RALA: variants seen among roughly 807,000 people sequenced by gnomAD.
RALA encodes ras-related protein Ral-A.
RALA carries 5 observed loss-of-function variants against 24.0 expected under a neutral mutation model. That is an observed-to-expected ratio of 0.21 (90% confidence interval 0.11 to 0.44). The LOEUF (loss-of-function observed/expected upper bound fraction) is 0.44. RALA is among the 20% of genes least tolerant of loss of function. RALA has a pLI of 0.99. For synonymous variants in RALA, 77 were observed against 83.8 expected (o/e 0.92, Z 0.44); for missense variants, 95 against 241.2 (o/e 0.39, Z 4.01).
At chr7:39,656,830 G>C (rs1583721220) in intron 1 of RALA, among the ~76,000 whole-genome samples, 1 of 152,202 alleles carries the variant, frequency 6.6e-6, no homozygotes, top group Admixed American at 6.5e-5. Flanking sequence ...GAGGGTAAGG[G>C]ATGTTCACTT....
intron 1 of RALA, among the ~76,000 whole-genome samples, chr7:39,679,767 A>G (rs553693843): frequency 2.5e-4 from 38 of 152,086 alleles, no homozygotes; most frequent in East Asian, 9.7e-4. Context: ...CTGGAGTGCA[A>G]TGGCGCAGTC....
At chr7:39,690,347 T>G (rs1368558524) in intron 2 of RALA, 35 bp from the exon 3 acceptor site, 1 of 1,541,348 alleles carries the variant, frequency 6.5e-7, no homozygotes, top group South Asian at 1.2e-5. Flanking sequence ...TGAAACGTAA[T>G]AATTAAAAAA....
intron 3 of RALA, 42 bp downstream of exon 3, chr7:39,690,632 A>G: frequency 6.9e-7 from 1 of 1,455,680 alleles, no homozygotes; most frequent in Non-Finnish European, 9.4e-7. Flanking sequence ...CATACTATAC[A>G]ACAATTTCTT....
At chr7:39,670,960 G>C (rs1792371837) in intron 1 of RALA, among the ~76,000 whole-genome samples, 1 of 152,082 alleles carries the variant, frequency 6.6e-6, no homozygotes. Context: ...GAAGCTGCTT[G>C]TTTCCTTTCC....
intron 4 of RALA, chr7:39,702,915 T>A (rs1472141879): frequency 3.9e-5 from 6 of 152,226 alleles, no homozygotes; most frequent in Admixed American, 3.9e-4. Context: ...ATATGAGGAA[T>A]GAGCTCTGGT....
At chr7:39,628,904 C>T (rs938660075) in intron 1 of RALA, among the ~76,000 whole-genome samples, 2 of 152,192 alleles carry the variant, frequency 1.3e-5, no homozygotes, top group African/African-American at 4.8e-5. Context: ...AAGTATGTAT[C>T]TCCTAACAAG....
intron 1 of RALA, among the ~76,000 whole-genome samples, chr7:39,639,957 A>G (rs1210141595): frequency 6.7e-6 from 1 of 148,614 alleles, no homozygotes; most frequent in Non-Finnish European, 1.5e-5. Context: ...GAACCAAACA[A>G]CATTATTTGA....
At chr7:39,706,026 A>G in intron 4 of RALA, 97 bp from the exon 5 acceptor site, 3 of 1,097,852 alleles carry the variant, frequency 2.7e-6, no homozygotes, top group Non-Finnish European at 3.9e-6. Context: ...TTAAATATTT[A>G]TACTTCTGTT....
intron 1 of RALA, among the ~76,000 whole-genome samples, chr7:39,652,518 A>G (rs1412694399): frequency 6.6e-6 from 1 of 152,198 alleles, no homozygotes; most frequent in Non-Finnish European, 1.5e-5. Context: ...AGGATATTCA[A>G]ATCCTCAGTT....
At position 39,707,078 on chromosome 7, in the gene RALA, G is replaced by T. The variant is rs2115567199; in HGVS notation, c.*833G>T. ...GCTCTTTGATCGCTTTTAATAAACT[G>T]CAAGTTCATTTTAAATGAAGGGCCA... On this transcript the variant is annotated 3_prime_UTR_variant, in exon 5 of 5. Transcript: ENST00000005257. 1 of 152,694 alleles carries T rather than the reference G, an allele frequency of 6.5e-6. No individual in the cohort carries two copies. The highest frequency in any genetic ancestry group is 1.9e-4 in the East Asian group (1 of 5,184). 9.5% of individuals were successfully genotyped at this position (152,694 alleles called of 1,614,324 possible).
intron 1 of RALA, among the ~76,000 whole-genome samples, chr7:39,646,122 C>G (rs1015946832): frequency 3.3e-5 from 5 of 152,104 alleles, no homozygotes; most frequent in African/African-American, 1.2e-4. Flanking sequence ...CAATGAATTA[C>G]TAGAAGAATG....
At chr7:39,653,421 G>C (rs1361694518) in intron 1 of RALA, among the ~76,000 whole-genome samples, 1 of 151,964 alleles carries the variant, frequency 6.6e-6, no homozygotes, top group East Asian at 1.9e-4. Context: ...TGACTACCTG[G>C]CTTAAGCCAT....
At chr7:39,682,949 A>T (rs1037507000) in intron 1 of RALA, among the ~76,000 whole-genome samples, 4 of 152,084 alleles carry the variant, frequency 2.6e-5, no homozygotes, top group Admixed American at 2.6e-4. Flanking sequence ...CATGTGTTGG[A>T]AATTTAATCC....
intron 1 of RALA, among the ~76,000 whole-genome samples, chr7:39,647,381 C>T (rs1301215313): frequency 6.6e-6 from 1 of 152,128 alleles, no homozygotes; most frequent in Non-Finnish European, 1.5e-5. Flanking sequence ...AGCTTCTCCG[C>T]TCATGAGGCT....
At chr7:39,705,341 A>G (rs1793100798) in intron 4 of RALA, among the ~76,000 whole-genome samples, 1 of 152,174 alleles carries the variant, frequency 6.6e-6, no homozygotes, top group Admixed American at 6.5e-5. Flanking sequence ...AAGTAAAAAC[A>G]TTTTTTAAAT....
intron 1 of RALA, among the ~76,000 whole-genome samples, chr7:39,682,226 C>T (rs1421561300): frequency 6.6e-6 from 1 of 152,186 alleles, no homozygotes; most frequent in Admixed American, 6.5e-5. Flanking sequence ...CAGTGCCTTG[C>T]ACTTAGTGAG....
chr7:39,679,542 C>G (rs142009979), intron 1 of RALA, among the ~76,000 whole-genome samples: 1 of 151,928 alleles, frequency 6.6e-6, no homozygotes, highest in Non-Finnish European at 1.5e-5. Flanking sequence ...TATTTTTTGC[C>G]CAATTTCCTG....
intron 1 of RALA, among the ~76,000 whole-genome samples, chr7:39,646,781 T>G (rs911394771): frequency 6.6e-6 from 1 of 152,226 alleles, no homozygotes; most frequent in Non-Finnish European, 1.5e-5. Context: ...TGGTCCTGCA[T>G]GCTCTCAGTA....
At chr7:39,644,845 G>A (rs956486119) in intron 1 of RALA, among the ~76,000 whole-genome samples, 3 of 152,192 alleles carry the variant, frequency 2.0e-5, no homozygotes, top group African/African-American at 7.2e-5. Flanking sequence ...ATGTTTGTCA[G>A]AGGATCACTA....
Sources: allele counts gnomAD v4.1 joint callset (sites outside exome capture counted in the v4.1 genomes callset), GRCh38; gene constraint gnomAD v4.1.1; transcripts MANE v1.5; gene names NCBI Gene and HGNC (gene_info 2026-07-23, HGNC 2026-07-21).